The following RTL6 variants were observed in gnomAD, a reference collection of about 807,000 sequenced individuals.
RTL6 encodes the protein retrotransposon Gag like 6, also known as retrotransposon Gag-like protein 6.
Under a neutral mutation model 12.4 loss-of-function variants are expected in RTL6, and 9 were observed. The ratio of observed to expected loss-of-function variants is 0.73; its 90% CI spans 0.44 to 1.27. RTL6 has a LOEUF of 1.27. Ranked by LOEUF, RTL6 falls within the 50% of genes most tolerant of loss-of-function variation. The pLI is 0.00. For synonymous variants in RTL6, 160 were observed against 142.8 expected (o/e 1.12, Z -0.86); for missense variants, 291 against 330.7 (o/e 0.88, Z 0.93).
rs1244731003 is a variant in RTL6, at chr22:44,492,652, G to C, written c.*4185C>G. 2 of 152,222 alleles carry C rather than the reference G, an allele frequency of 1.3e-5. No individual in the cohort carries two copies. The highest frequency in any genetic ancestry group is 2.9e-5 in the Non-Finnish European group (2 of 68,050). 9.4% of individuals were successfully genotyped at this position (152,222 alleles called of 1,614,324 possible). The stretch of plus-strand genomic sequence containing the variant: ...CAAATTTATCTGACCCCAGAAGATA[G>C]AGCAAAGGACACTGACAATCCACAA... On this transcript the variant is annotated 3_prime_UTR_variant, in exon 2 of 2. Coordinates refer to ENST00000341255, the MANE Select transcript of RTL6 (RefSeq NM_032287.3).
In RTL6 at chr22:44,493,421, C is replaced by G. The variant is rs1227451373; in HGVS notation, c.*3416G>C. 6.6e-6 allele frequency: 1 copy of G among 152,228 alleles called. No homozygotes were observed. The highest frequency in any genetic ancestry group is 1.5e-5 in the Non-Finnish European group (1 of 68,098). The allele number at this position is 152,228 out of a possible 1,614,324, so 9.4% of individuals were successfully genotyped here. A position where few individuals can be genotyped will look rare whatever the true frequency, so the allele number is the denominator to read the frequency against. On this transcript the variant is annotated 3_prime_UTR_variant, in exon 2 of 2. Coordinates refer to ENST00000341255, the MANE Select transcript of RTL6 (RefSeq NM_032287.3). The stretch of plus-strand genomic sequence containing the variant: ...CATCTCTACCGCATCTGCGCTGTGC[C>G]AACTGCCACCCCACCCAAACTCAGG...
Position 44,497,267 on chromosome 22 carries a change from G to C in RTL6, c.290C>G (p.Pro97Arg). The C allele has an allele frequency of 6.2e-7, 1 of 1,614,240 alleles. No individual in the cohort carries two copies. The highest frequency in any genetic ancestry group is 8.5e-7 in the Non-Finnish European group (1 of 1,180,040). The change falls in exon 2 of 2, where the codon CCT becomes CGT. Residue 97 changes from proline (P) to arginine (R), a missense_variant. This residue lies in a region of RTL6 where 155 missense variants were observed against 149.2 expected (regional missense o/e 1.04). Transcript: ENST00000341255. Reference protein sequence around the residue: ...TSNGTRPMTTPPTSLPEPFSG... With the variant: ...TSNGTRPMTTRPTSLPEPFSG... ...AAAGGGCTCGGGCAGAGAGGTTGGA[G>C]GTGTGGTCATGGGTCGAGTCCCGTT...
chr22:44,497,678 C>T lies in RTL6; in HGVS notation c.-122G>A. 4 of 1,367,404 alleles carry T rather than the reference C, an allele frequency of 2.9e-6. No homozygotes were observed. The highest frequency in any genetic ancestry group is 1.5e-5 in the South Asian group (1 of 66,780). The allele number at this position is 1,367,404 out of a possible 1,614,324, so 84.7% of individuals were successfully genotyped here. On this transcript the variant is annotated 5_prime_UTR_variant, in exon 2 of 2. Transcript: ENST00000341255. The stretch of plus-strand genomic sequence containing the variant: ...GCACGACGGCAGGGCGCTGCGAGAC[C>T]CCCAAGCCGAGGGCCCGAGAGAGGG...
rs572790773 is a variant in RTL6 at position 44,497,788 on chromosome 22, G to C, written c.-232C>G. ...GACTTCGCGGACTACGGAGCCAGAC[G>C]GGTGGCTGGACCTGCTCTGGGCCCT... On this transcript the variant is annotated 5_prime_UTR_variant, in exon 2 of 2. Coordinates refer to ENST00000341255, the MANE Select transcript of RTL6 (RefSeq NM_032287.3). 1.3e-3 allele frequency: 768 copies of C among 594,986 alleles called. 3 individuals carry two copies. Among genetic ancestry groups the C allele is most frequent in the Non-Finnish European group, 1.9e-3 (630 of 330,090 alleles). 36.9% of individuals were successfully genotyped at this position (594,986 alleles called of 1,614,324 possible). A position where few individuals can be genotyped will look rare whatever the true frequency, so the allele number is the denominator to read the frequency against.
At position 44,496,804 on chromosome 22, in the gene RTL6, T is replaced by C. The variant is rs1924460386; in HGVS notation, c.*33A>G. The C allele has an allele frequency of 6.6e-7, 1 of 1,526,146 alleles. No individual in the cohort carries two copies. The highest frequency in any genetic ancestry group is 1.4e-5 in the African/African-American group (1 of 72,086). 94.5% of individuals were successfully genotyped at this position (1,526,146 alleles called of 1,614,324 possible). A position where few individuals can be genotyped will look rare whatever the true frequency, so the allele number is the denominator to read the frequency against. On this transcript the variant is annotated 3_prime_UTR_variant, in exon 2 of 2. Transcript: ENST00000341255. ...CAGCAAAGAGCGTATGCTACCTGGG[T>C]GGCTGCAGACGCTACCAAGTGCTGG... is the stretch of plus-strand genomic sequence containing the variant.
At position 44,495,184 on chromosome 22, in the gene RTL6, G is replaced by A. The variant is rs951973592; in HGVS notation, c.*1653C>T. ...TGGTGAGTGGGTGGCAGTAGTCTGC[G>A]GACCCCAGCAACCACTGAATGTCCT... On this transcript the variant is annotated 3_prime_UTR_variant, in exon 2 of 2. Transcript: ENST00000341255. The A allele has an allele frequency of 7.9e-5, 12 of 152,604 alleles. No individual in the cohort carries two copies. Among genetic ancestry groups the A allele is most frequent in the Non-Finnish European group, 1.3e-4 (9 of 68,038 alleles). 9.5% of individuals were successfully genotyped at this position (152,604 alleles called of 1,614,324 possible). A position where few individuals can be genotyped will look rare whatever the true frequency, so the allele number is the denominator to read the frequency against.
In RTL6 at chr22:44,496,975, G is replaced by A. The variant is rs1174825618; in HGVS notation, c.582C>T (p.Ala194=). The change falls in exon 2 of 2, where the codon GCC becomes GCT. Residue 194 remains alanine, a synonymous_variant. Coordinates refer to ENST00000341255, the MANE Select transcript of RTL6 (RefSeq NM_032287.3). The part of the protein sequence containing the change: ...ARRAQIRKTS[A]SNRAVRERQM... Reference sequence around the variant, plus strand: ...GCCTCTCTCGCACAGCCCTATTAGAGGCAGAAGTCTTCCTGATTTGGGCGC... The same window carrying A: ...GCCTCTCTCGCACAGCCCTATTAGAAGCAGAAGTCTTCCTGATTTGGGCGC... 3 of 1,613,888 alleles carry A rather than the reference G, an allele frequency of 1.9e-6. No homozygotes were observed. Among genetic ancestry groups the A allele is most frequent in the African/African-American group, 1.3e-5 (1 of 74,942 alleles).
Position 44,497,769 on chromosome 22 carries a change from G to A in RTL6, c.-213C>T, listed in dbSNP as rs924414227. 7 of 619,422 alleles carry A rather than the reference G, an allele frequency of 1.1e-5. No individual in the cohort carries two copies. Among genetic ancestry groups the A allele is most frequent in the African/African-American group, 7.5e-5 (4 of 53,636 alleles). The allele number at this position is 619,422 out of a possible 1,614,324, so 38.4% of individuals were successfully genotyped here. A position where few individuals can be genotyped will look rare whatever the true frequency, so the allele number is the denominator to read the frequency against. On this transcript the variant is annotated 5_prime_UTR_variant, in exon 2 of 2. Transcript: ENST00000341255. ...ACGCGGCTCCTTTACTGCAGACTTC[G>A]CGGACTACGGAGCCAGACGGGTGGC...
In RTL6 at chr22:44,497,061, A is replaced by G. The variant is rs1200975453; in HGVS notation, c.496T>C (p.Tyr166His). ...CGCAACTCTGCCAGGAACCCCTGATAGTTGTTGCGCAAGGGGCTGTCAGGT... is the reference window on the plus strand; with the variant it reads ...CGCAACTCTGCCAGGAACCCCTGATGGTTGTTGCGCAAGGGGCTGTCAGGT... ...MQPDSPLRNN[Y>H]QGFLAELRRT... Residue 166 changes from tyrosine (Y) to histidine (H), a missense_variant, in exon 2 of 2, where the codon TAT becomes CAT. Physicochemically the swap from Tyr to His is moderately conservative, Grantham distance 83. Coordinates refer to ENST00000341255, the MANE Select transcript of RTL6 (RefSeq NM_032287.3). 3 of 1,614,084 alleles carry G rather than the reference A, an allele frequency of 1.9e-6. No homozygotes were observed. The highest frequency in any genetic ancestry group is 3.3e-5 in the Admixed American group (2 of 60,018).
rs1436113760 is a variant in RTL6, at chr22:44,495,131, A to C, written c.*1706T>G. 6.5e-6 allele frequency: 1 copy of C among 152,756 alleles called. No individual in the cohort carries two copies. Among genetic ancestry groups the C allele is most frequent in the Non-Finnish European group, 1.5e-5 (1 of 68,090 alleles). The allele number at this position is 152,756 out of a possible 1,614,324, so 9.5% of individuals were successfully genotyped here. A position where few individuals can be genotyped will look rare whatever the true frequency, so the allele number is the denominator to read the frequency against. On this transcript the variant is annotated 3_prime_UTR_variant, in exon 2 of 2. Transcript: ENST00000341255. The stretch of plus-strand genomic sequence containing the variant: ...AAAGCCTGTATTCAGGCAGTTGTTC[A>C]GCAGGGCAATTGGGCTAACAGAGTT...
At position 44,497,681 on chromosome 22, in the gene RTL6, C is replaced by T; in HGVS notation, c.-125G>A. The T allele has an allele frequency of 2.2e-6, 3 of 1,334,068 alleles. No individual in the cohort carries two copies. In the East Asian group the frequency reaches 7.6e-5, roughly 34 times the overall value. 82.6% of individuals were successfully genotyped at this position (1,334,068 alleles called of 1,614,324 possible). A position where few individuals can be genotyped will look rare whatever the true frequency, so the allele number is the denominator to read the frequency against. ...CGACGGCAGGGCGCTGCGAGACCCC[C>T]AAGCCGAGGGCCCGAGAGAGGGGCA... On this transcript the variant is annotated 5_prime_UTR_variant, in exon 2 of 2. Coordinates refer to ENST00000341255, the MANE Select transcript of RTL6 (RefSeq NM_032287.3).
Position 44,497,021 on chromosome 22 carries a change from G to A in RTL6, c.536C>T (p.Ser179Phe), listed in dbSNP as rs1302425904. The A allele has an allele frequency of 8.7e-6, 14 of 1,614,088 alleles. No homozygotes were observed. Among genetic ancestry groups the A allele is most frequent in the Non-Finnish European group, 1.2e-5 (14 of 1,180,004 alleles). Residue 179 changes from serine to phenylalanine, a missense_variant, in exon 2 of 2, where the codon TCT (serine) becomes TTT (phenylalanine). This residue lies in a region of RTL6 where 132 missense variants were observed against 163.9 expected (regional missense o/e 0.81). Coordinates refer to ENST00000341255, the MANE Select transcript of RTL6 (RefSeq NM_032287.3). The stretch of plus-strand genomic sequence containing the variant: ...GGCGCGCCGCGCATGCCGGAGCGGA[G>A]ACTTGTAGGTTCTCCGCAACTCTGC... ...FLAELRRTYK[S>F]PLRHARRAQI...
rs3827401 is a variant in RTL6, at chr22:44,494,738, A to G, written c.*2099T>C. 0.5 allele frequency: 75,816 copies of G among 151,992 alleles called. 19,072 individuals carry two copies. Among genetic ancestry groups the G allele is most frequent in the Non-Finnish European group, 0.52 (35,449 of 68,212 alleles). The allele number at this position is 151,992 out of a possible 1,614,324, so 9.4% of individuals were successfully genotyped here. A position where few individuals can be genotyped will look rare whatever the true frequency, so the allele number is the denominator to read the frequency against. The stretch of plus-strand genomic sequence containing the variant: ...CCGGCCTTTCCTAGGCAGCTGTAGG[A>G]TGTGAAGCAGCACAGGCCTGACACA... On this transcript the variant is annotated 3_prime_UTR_variant, in exon 2 of 2. Coordinates refer to ENST00000341255, the MANE Select transcript of RTL6 (RefSeq NM_032287.3).
Position 44,496,958 on chromosome 22 carries a change from C to T in RTL6, c.599G>A (p.Arg200Gln). 6.2e-7 allele frequency: 1 copy of T among 1,613,864 alleles called. No individual in the cohort carries two copies. The highest frequency in any genetic ancestry group is 8.5e-7 in the Non-Finnish European group (1 of 1,179,974). Residue 200 changes from arginine (R) to glutamine (Q), a missense_variant, in exon 2 of 2, where the codon CGA becomes CAA. Arg to Gln is a conservative substitution (Grantham distance 43, BLOSUM62 1). Around this residue, in one of 3 missense-constraint regions of RTL6, gnomAD observed 132 missense variants for 163.9 expected, o/e 0.81. Coordinates refer to ENST00000341255, the MANE Select transcript of RTL6 (RefSeq NM_032287.3). Reference sequence around the variant, plus strand: ...CTGGCGGCAGAGCATCTGCCTCTCTCGCACAGCCCTATTAGAGGCAGAAGT... The same window carrying T: ...CTGGCGGCAGAGCATCTGCCTCTCTTGCACAGCCCTATTAGAGGCAGAAGT... ...RKTSASNRAV[R>Q]ERQMLCRQLA...
chr22:44,494,181 C>T lies in RTL6; in HGVS notation c.*2656G>A, dbSNP rs969124745. 1 of 152,230 alleles carries T rather than the reference C, an allele frequency of 6.6e-6. No individual in the cohort carries two copies. Among genetic ancestry groups the T allele is most frequent in the Non-Finnish European group, 1.5e-5 (1 of 68,062 alleles). 9.4% of individuals were successfully genotyped at this position (152,230 alleles called of 1,614,324 possible). A position where few individuals can be genotyped will look rare whatever the true frequency, so the allele number is the denominator to read the frequency against. On this transcript the variant is annotated 3_prime_UTR_variant, in exon 2 of 2. Transcript: ENST00000341255. Reference sequence around the variant, plus strand: ...CAAAGAATGTCAAAACCATGGAAAACAGAACTTTCCTTCACATGCACTGTT... The same window carrying T: ...CAAAGAATGTCAAAACCATGGAAAATAGAACTTTCCTTCACATGCACTGTT...
In RTL6 at chr22:44,495,440, T is replaced by C. The variant is rs1924416521; in HGVS notation, c.*1397A>G. 6.6e-6 allele frequency: 1 copy of C among 152,624 alleles called. No homozygotes were observed. Among genetic ancestry groups the C allele is most frequent in the Non-Finnish European group, 1.5e-5 (1 of 68,070 alleles). The allele number at this position is 152,624 out of a possible 1,614,324, so 9.5% of individuals were successfully genotyped here. A position where few individuals can be genotyped will look rare whatever the true frequency, so the allele number is the denominator to read the frequency against. On this transcript the variant is annotated 3_prime_UTR_variant, in exon 2 of 2. Coordinates refer to ENST00000341255, the MANE Select transcript of RTL6 (RefSeq NM_032287.3). ...TCCAGGTCATGTCAATGTGGTTCAT[T>C]TGGCATTGAAATATGGCGGAACAGC... is the stretch of plus-strand genomic sequence containing the variant.
Position 44,498,177 on chromosome 22 carries a change from G to A in RTL6, c.-389C>T, listed in dbSNP as rs956212225. 21 of 152,246 alleles carry A rather than the reference G, an allele frequency of 1.4e-4. 1 individual carries two copies. The highest frequency in any genetic ancestry group is 5.1e-4 in the African/African-American group (21 of 41,454). 9.4% of individuals were successfully genotyped at this position (152,246 alleles called of 1,614,324 possible). A position where few individuals can be genotyped will look rare whatever the true frequency, so the allele number is the denominator to read the frequency against. ...ACTGCTTCCCGGTCAGCGCAGCCAA[G>A]CGACGGCGCTGGCGATGGCGGCGGG... On this transcript the variant is annotated 5_prime_UTR_variant, in exon 1 of 2. Coordinates refer to ENST00000341255, the MANE Select transcript of RTL6 (RefSeq NM_032287.3).
At position 44,497,351 on chromosome 22, in the gene RTL6, G is replaced by C; in HGVS notation, c.206C>G (p.Thr69Ser). The change falls in exon 2 of 2, where the codon ACC becomes AGC. Residue 69 changes from threonine to serine, a missense_variant. Coordinates refer to ENST00000341255, the MANE Select transcript of RTL6 (RefSeq NM_032287.3). ...SVMAELTLLR[T>S]RARIPGALQI... is the part of the protein sequence containing the mutation. ...CAGAGCCCCCGGGATCCGCGCCCTG[G>C]TGCGTAACAAGGTCAGCTCTGCCAT... 1.2e-6 allele frequency: 2 copies of C among 1,612,782 alleles called. No individual in the cohort carries two copies. The highest frequency in any genetic ancestry group is 1.7e-6 in the Non-Finnish European group (2 of 1,178,918).
rs1924376574 is a variant in RTL6, at chr22:44,494,089, T to A, written c.*2748A>T. 6.6e-6 allele frequency: 1 copy of A among 152,224 alleles called. No homozygotes were observed. Among genetic ancestry groups the A allele is most frequent in the South Asian group, 2.1e-4 (1 of 4,826 alleles). The allele number at this position is 152,224 out of a possible 1,614,324, so 9.4% of individuals were successfully genotyped here. A position where few individuals can be genotyped will look rare whatever the true frequency, so the allele number is the denominator to read the frequency against. On this transcript the variant is annotated 3_prime_UTR_variant, in exon 2 of 2. Coordinates refer to ENST00000341255, the MANE Select transcript of RTL6 (RefSeq NM_032287.3). ...CTAACTCCCATCTCCAGTGATACCC[T>A]GGTATGCACTGAAGCCTACTTACCA...
Sources: gnomAD v4.1 joint callset for allele counts on GRCh38, gnomAD v4.1.1 for gene constraint, gnomAD v4.1.1 regional missense constraint, MANE v1.5 for transcripts, NCBI Gene and HGNC (gene_info 2026-07-23, HGNC 2026-07-21) for gene names.